The following KCNK17 variants were observed in gnomAD, a reference collection of about 807,000 sequenced individuals.
KCNK17 encodes potassium channel subfamily K member 17.
A neutral mutation model predicts 24.6 loss-of-function variants in KCNK17; 27 were observed. The observed-to-expected ratio is 1.10, with a 90% CI of 0.81 to 1.51. The LOEUF is 1.51. KCNK17 is among the 40% of genes most tolerant of loss of function. The probability of loss-of-function intolerance (pLI) is 0.00; values close to 1 mark genes in which losing one functional copy is unlikely to be tolerated. For missense variants in KCNK17, 450 were observed against 436.6 expected (o/e 1.03, Z -0.27); for synonymous variants, 181 against 189.8 (o/e 0.95, Z 0.38).
At chr6:39,310,859 C>CCCCCCCA in intron 2 of KCNK17, 34 bp downstream of exon 2, 3 of 1,168,466 alleles carry the variant, frequency 2.6e-6, no homozygotes, top group Non-Finnish European at 2.5e-6. Flanking sequence ...CTCCTTCCCC[C>CCCCCCCA]ACCCCCATCC....
chr6:39,310,785 G>C, intron 2 of KCNK17, 108 bp downstream of exon 2: 1 of 689,268 alleles, frequency 1.5e-6, no homozygotes, highest in Non-Finnish European at 2.4e-6. Flanking sequence ...ACTGCACTTG[G>C]AGTCATGAGA....
rs923077351 is a variant in KCNK17, at chr6:39,299,060, G to A, written c.*367C>T. 2.8e-5 allele frequency: 6 copies of A among 215,576 alleles called. No individual in the cohort carries two copies. The highest frequency in any genetic ancestry group is 1.0e-4 in the East Asian group (1 of 9,642). 13.4% of individuals were successfully genotyped at this position (215,576 alleles called of 1,614,324 possible). A position where few individuals can be genotyped will look rare whatever the true frequency, so the allele number is the denominator to read the frequency against. On this transcript the variant is annotated 3_prime_UTR_variant, in exon 5 of 5. Transcript: ENST00000373231. ...CATAAAGGAGGTCGGGTGATATTCC[G>A]TTTGTTAGGATGGCTCTGTGATCAT...
intron 4 of KCNK17, 38 bp downstream of exon 4, chr6:39,303,919 C>A (rs372774410): frequency 2.7e-5 from 43 of 1,600,636 alleles, no homozygotes; most frequent in Middle Eastern, 1.7e-4. Flanking sequence ...TATAGGCAGC[C>A]GAATGTCCCC....
At chr6:39,300,513 G>A (rs974983718) in intron 4 of KCNK17, 66 of 1,551,154 alleles carry the variant, frequency 4.3e-5, no homozygotes, top group Non-Finnish European at 5.2e-5. Flanking sequence ...TATCTGAAAT[G>A]AGGCAGCTTG....
Position 39,304,087 on chromosome 6 carries a change from G to A in KCNK17, c.558C>T (p.Leu186=), listed in dbSNP as rs1245846764. 1 of 1,612,126 alleles carries A rather than the reference G, an allele frequency of 6.2e-7. No individual in the cohort carries two copies. Among genetic ancestry groups the A allele is most frequent in the African/African-American group, 1.3e-5 (1 of 74,896 alleles). ...ARWLAGSGAL[L]SGLLLFLLLP... is the part of the protein sequence containing the mutation. Reference sequence around the variant, plus strand: ...GCAGCAGGAAGAGCAGGAGGCCCGAGAGGAGGGCGCCAGAGCCCGCCAGCC... The same window carrying A: ...GCAGCAGGAAGAGCAGGAGGCCCGAAAGGAGGGCGCCAGAGCCCGCCAGCC... Residue 186 remains leucine (L), a synonymous_variant, in exon 4 of 5, where the codon CTC becomes CTT. Transcript: ENST00000373231.
At chr6:39,309,670 A>G (rs1762096738) in intron 2 of KCNK17, among the ~76,000 whole-genome samples, 1 of 152,186 alleles carries the variant, frequency 6.6e-6, no homozygotes, top group Non-Finnish European at 1.5e-5. Context: ...AGGACCCCCA[A>G]ATCTGGGAGG....
rs1761909021 is a variant in KCNK17 at position 39,299,408 on chromosome 6, A to T, written c.*19T>A. ...AGGGGTCTTGCTACCGAGGACGACG[A>T]CCAAAGAATGGAGTATAACTAGCTG... On this transcript the variant is annotated 3_prime_UTR_variant, in exon 5 of 5. Coordinates refer to ENST00000373231, the MANE Select transcript of KCNK17 (RefSeq NM_031460.4). The T allele has an allele frequency of 1.9e-6, 3 of 1,592,778 alleles. No homozygotes were observed. The Admixed American group carries it at 5.1e-5, about 27-fold the overall frequency.
At chr6:39,307,183 G>A (rs1330122587) in intron 2 of KCNK17, among the ~76,000 whole-genome samples, 1 of 152,174 alleles carries the variant, frequency 6.6e-6, no homozygotes, top group Non-Finnish European at 1.5e-5. Context: ...ACAGTGGGGG[G>A]TAATGATGAA....
chr6:39,314,070 C>G lies in KCNK17; in HGVS notation c.237+14G>C. 6.4e-7 allele frequency: 1 copy of G among 1,551,802 alleles called. No individual in the cohort carries two copies. The highest frequency in any genetic ancestry group is 2.4e-5 in the East Asian group (1 of 42,110). On this transcript the variant is annotated intron_variant, in intron 1 of 4. Transcript: ENST00000373231. ...CATCCCGCCGCGCCCAGGCCGACGC[C>G]GCTCGCCCCTGACCCGGATCAGCGA...
In KCNK17 at chr6:39,299,619, C is replaced by A; in HGVS notation, c.807G>T (p.Thr269=). Residue 269 remains threonine (T), a synonymous_variant, in exon 5 of 5, where the codon ACG becomes ACT. Transcript: ENST00000373231. ...IIKLILSQLE[T]PGRVCSCCHH... Reference sequence around the variant, plus strand: ...GGCAGCAGGAACATACCCTCCCTGGCGTCTCCAGCTGGGAGAGGATGAGTT... The same window carrying A: ...GGCAGCAGGAACATACCCTCCCTGGAGTCTCCAGCTGGGAGAGGATGAGTT... 6.2e-7 allele frequency: 1 copy of A among 1,614,076 alleles called. No individual in the cohort carries two copies. Among genetic ancestry groups the A allele is most frequent in the South Asian group, 1.1e-5 (1 of 91,080 alleles).
intron 2 of KCNK17, among the ~76,000 whole-genome samples, chr6:39,309,934 C>T (rs1762105163): frequency 6.6e-6 from 1 of 152,218 alleles, no homozygotes; most frequent in African/African-American, 2.4e-5. Flanking sequence ...CCCAAGCTCC[C>T]ATGTAGCTCT....
intron 1 of KCNK17, 64 bp from the exon 2 acceptor site, chr6:39,311,071 TGCACACACACACACACACAC>T: frequency 1.5e-6 from 1 of 662,588 alleles, no homozygotes. Flanking sequence ...TACCCCAAGA[TGCACACACACACACACACAC>T]ACACACACAC....
At chr6:39,305,731 C>T (rs1215086526) in intron 2 of KCNK17, among the ~76,000 whole-genome samples, 2 of 152,184 alleles carry the variant, frequency 1.3e-5, no homozygotes, top group Non-Finnish European at 2.9e-5. Context: ...TCTTGCCCAG[C>T]CTTTCTCTGA....
chr6:39,314,290 C>A lies in KCNK17; in HGVS notation c.31G>T (p.Glu11Ter). Residue 11 changes from glutamate (E) to a stop codon, truncating the protein, a stop_gained, in exon 1 of 5, where the codon GAG (glutamate) becomes TAG (stop). Coordinates refer to ENST00000373231, the MANE Select transcript of KCNK17 (RefSeq NM_031460.4). LOFTEE classifies it high-confidence loss of function. MYRPRARAAP[E>*]GRVRGCAVPS... is the part of the protein sequence containing the mutation. ...ACCGCGCAGCCCCGGACCCTGCCCT[C>A]GGGAGCCGCCCGGGCTCGCGGTCGG... The A allele has an allele frequency of 6.8e-7, 1 of 1,470,110 alleles. No individual in the cohort carries two copies. Among genetic ancestry groups the A allele is most frequent in the Non-Finnish European group, 9.0e-7 (1 of 1,114,568 alleles). 91.1% of individuals were successfully genotyped at this position (1,470,110 alleles called of 1,614,324 possible).
rs533471297 is a variant in KCNK17 at position 39,299,404 on chromosome 6, G to A, written c.*23C>T. The A allele has an allele frequency of 1.7e-5, 27 of 1,582,466 alleles. No homozygotes were observed. The Admixed American group carries it at 1.9e-4, about 11-fold the overall frequency. The stretch of plus-strand genomic sequence containing the variant: ...AATCAGGGGTCTTGCTACCGAGGAC[G>A]ACGACCAAAGAATGGAGTATAACTA... On this transcript the variant is annotated 3_prime_UTR_variant, in exon 5 of 5. Coordinates refer to ENST00000373231, the MANE Select transcript of KCNK17 (RefSeq NM_031460.4).
intron 4 of KCNK17, among the ~76,000 whole-genome samples, chr6:39,300,211 C>T (rs1197068988): frequency 6.6e-6 from 1 of 152,222 alleles, no homozygotes; most frequent in East Asian, 1.9e-4. Context: ...CAACCTCCGC[C>T]TCCTGGGTTC....
At position 39,299,391 on chromosome 6, in the gene KCNK17, T is replaced by C; in HGVS notation, c.*36A>G. ...GTGCAAAGCTTAAAATCAGGGGTCT[T>C]GCTACCGAGGACGACGACCAAAGAA... is the stretch of plus-strand genomic sequence containing the variant. On this transcript the variant is annotated 3_prime_UTR_variant, in exon 5 of 5. Transcript: ENST00000373231. 3 of 1,534,440 alleles carry C rather than the reference T, an allele frequency of 2.0e-6. No individual in the cohort carries two copies. Among genetic ancestry groups the C allele is most frequent in the Non-Finnish European group, 2.7e-6 (3 of 1,120,272 alleles).
rs1562084354 is a variant in KCNK17 at position 39,311,104 on chromosome 6, ACACACACACACAC to A, written c.238-110_238-98del. Reference sequence around the variant, plus strand: ...CACACACACACACACACACACACACACACACACACACACACAAACAAACCTACACACACAGCCC... The same window carrying A: ...CACACACACACACACACACACACACAACAAACAAACCTACACACACAGCCC... On this transcript the variant is annotated intron_variant, in intron 1 of 4. Transcript: ENST00000373231. 1.5e-3 allele frequency: 921 copies of A among 625,178 alleles called. 8 individuals carry two copies. In the African/African-American group the frequency reaches 0.016, roughly 11 times the overall value. The allele number at this position is 625,178 out of a possible 1,614,324, so 38.7% of individuals were successfully genotyped here.
intron 3 of KCNK17, 100 bp from the exon 4 acceptor site, chr6:39,304,231 G>T: frequency 8.5e-7 from 1 of 1,170,942 alleles, no homozygotes; most frequent in Non-Finnish European, 1.2e-6. Flanking sequence ...CAGTAAGAAG[G>T]GGGCTCTTCA....
Sources: allele counts gnomAD v4.1 joint callset (sites outside exome capture counted in the v4.1 genomes callset), GRCh38; gene constraint gnomAD v4.1.1; transcripts MANE v1.5; gene names NCBI Gene and HGNC (gene_info 2026-07-23, HGNC 2026-07-21).